Variants in TNRC6B observed in about 807,000 individuals in gnomAD.
TNRC6B encodes the protein trinucleotide repeat containing adaptor 6B, also known as trinucleotide repeat-containing gene 6B protein.
A neutral mutation model predicts 203.6 loss-of-function variants in TNRC6B; 52 were observed. That is an observed-to-expected ratio of 0.26 (90% CI 0.20 to 0.32). TNRC6B has a LOEUF of 0.32. Among genes scored for constraint, TNRC6B ranks in the 10% least tolerant of loss-of-function variants. The pLI is 1.00. For synonymous variants in TNRC6B, 838 were observed against 845.7 expected (o/e 0.99, Z 0.16); for missense variants, 1,923 against 2,286.2 (o/e 0.84, Z 3.24).
chr22:40,251,269 T>C (rs1193647292), intron 3 of TNRC6B, 69 bp downstream of exon 3: 7 of 1,269,260 alleles, frequency 5.5e-6, no homozygotes, highest in South Asian at 1.4e-5. Flanking sequence ...TGTTGCTGAC[T>C]CAGCCTCCAA....
At chr22:40,197,058 G>A (rs746018828) in intron 1 of TNRC6B, among the ~76,000 whole-genome samples, 2 of 152,108 alleles carry the variant, frequency 1.3e-5, no homozygotes, top group Non-Finnish European at 2.9e-5. Context: ...TTCCCAAGCT[G>A]CCTTAAACAC....
chr22:40,318,354 T>C (rs1397865083), intron 21 of TNRC6B, among the ~76,000 whole-genome samples: 1 of 152,130 alleles, frequency 6.6e-6, no homozygotes, highest in African/African-American at 2.4e-5. Flanking sequence ...GAGACCATCC[T>C]GGCTAACATG....
At chr22:40,112,496 C>T (rs948111429) in intron 1 of TNRC6B, among the ~76,000 whole-genome samples, 5 of 152,144 alleles carry the variant, frequency 3.3e-5, no homozygotes, top group African/African-American at 1.2e-4. Context: ...ACAGGAGGAC[C>T]CGACACAGCC....
chr22:40,172,253 G>A (rs1456320138), intron 4 of TNRC6B, among the ~76,000 whole-genome samples: 1 of 152,166 alleles, frequency 6.6e-6, no homozygotes, highest in East Asian at 1.9e-4. Context: ...TATCTAAAGT[G>A]AGCCTCTCTC....
chr22:40,315,346 T>C lies in TNRC6B; in HGVS notation c.4742T>C (p.Leu1581Pro). 6.2e-7 allele frequency: 1 copy of C among 1,613,790 alleles called. No individual in the cohort carries two copies. The highest frequency in any genetic ancestry group is 8.5e-7 in the Non-Finnish European group (1 of 1,179,864). The change falls in exon 20 of 23, where the codon CTC becomes CCC. Residue 1581 changes from leucine (L) to proline (P), a missense_variant. Physicochemically the swap from Leu to Pro is moderately conservative, Grantham distance 98. Transcript: ENST00000454349. The part of the protein sequence containing the change: ...PDPIGHNPTH[L>P]SNKMWKNHIS... The stretch of plus-strand genomic sequence containing the variant: ...CCCATAGGACACAACCCCACTCATC[T>C]CTCCAACAAGATGTGGAAAAACCAT...
chr22:40,280,489 C>CT (rs1401845254), intron 10 of TNRC6B, among the ~76,000 whole-genome samples: 1 of 152,242 alleles, frequency 6.6e-6, no homozygotes, highest in Non-Finnish European at 1.5e-5. Flanking sequence ...TCCATGTCTC[C>CT]TAAGGCCTTG....
chr22:40,063,751 G>T (rs1961319809), intron 1 of TNRC6B, among the ~76,000 whole-genome samples: 1 of 151,184 alleles, frequency 6.6e-6, no homozygotes, highest in African/African-American at 2.4e-5. Flanking sequence ...CACCCAGGCT[G>T]GAGTGCAGTG....
At chr22:40,045,211 G>A (rs1044762402) in intron 1 of TNRC6B, among the ~76,000 whole-genome samples, 2 of 145,274 alleles carry the variant, frequency 1.4e-5, no homozygotes, top group Non-Finnish European at 3.1e-5. Flanking sequence ...CGCGGGGCTG[G>A]TGCGGCCGGC....
At chr22:40,208,002 T>C (rs1252557482) in intron 1 of TNRC6B, among the ~76,000 whole-genome samples, 1 of 151,042 alleles carries the variant, frequency 6.6e-6, no homozygotes, top group Non-Finnish European at 1.5e-5. Flanking sequence ...TAGTCCCAGC[T>C]ACTCGGGAGG....
intron 4 of TNRC6B, among the ~76,000 whole-genome samples, chr22:40,172,407 C>G (rs760520762): frequency 3.9e-5 from 6 of 152,224 alleles, no homozygotes; most frequent in Non-Finnish European, 7.3e-5. Flanking sequence ...AGGGAAAGTA[C>G]TTAGTACATA....
chr22:40,121,471 T>G (rs186012528), intron 2 of TNRC6B, among the ~76,000 whole-genome samples: 2 of 152,346 alleles, frequency 1.3e-5, no homozygotes, highest in Non-Finnish European at 2.9e-5. Flanking sequence ...TTCCCTGAAG[T>G]CTAATCTTTC....
intron 1 of TNRC6B, among the ~76,000 whole-genome samples, chr22:40,204,143 T>C (rs1225620088): frequency 6.6e-6 from 1 of 152,250 alleles, no homozygotes; most frequent in Non-Finnish European, 1.5e-5. Context: ...CACATCTCTT[T>C]AATTTTTAGA....
chr22:40,057,236 G>T (rs904872403), intron 1 of TNRC6B, among the ~76,000 whole-genome samples: 2 of 149,182 alleles, frequency 1.3e-5, no homozygotes, highest in African/African-American at 5.1e-5. Flanking sequence ...CAGTTACATT[G>T]AATTTTTTTC....
At chr22:40,056,246 A>G (rs948097924) in intron 1 of TNRC6B, among the ~76,000 whole-genome samples, 1 of 152,144 alleles carries the variant, frequency 6.6e-6, no homozygotes, top group African/African-American at 2.4e-5. Context: ...AGAGCTTGAT[A>G]TTTTTCAAAT....
At position 40,308,547 on chromosome 22, in the gene TNRC6B, G is replaced by T. The variant is rs1259683699; in HGVS notation, c.4156G>T (p.Gly1386Cys). 6.2e-7 allele frequency: 1 copy of T among 1,613,942 alleles called. No homozygotes were observed. Among genetic ancestry groups the T allele is most frequent in the Non-Finnish European group, 8.5e-7 (1 of 1,179,868 alleles). Residue 1386 changes from glycine (G) to cysteine (C), a missense_variant, in exon 16 of 23, where the codon GGT becomes TGT. Physicochemically the swap from Gly to Cys is radical, Grantham distance 159. This residue lies in a region of TNRC6B where 242 missense variants were observed against 399.5 expected (regional missense o/e 0.61). Coordinates refer to ENST00000454349, the MANE Select transcript of TNRC6B (RefSeq NM_001162501.2). Reference sequence around the variant, plus strand: ...TGGCGGCATGGACTATGGCATGGTTGGTGGGAAGGAGGCTGGAACCGAGTC... The same window carrying T: ...TGGCGGCATGGACTATGGCATGGTTTGTGGGAAGGAGGCTGGAACCGAGTC... Reference protein sequence around the residue: ...SSGGMDYGMVGGKEAGTESRF... With the variant: ...SSGGMDYGMVCGKEAGTESRF...
chr22:40,313,213 C>T lies in TNRC6B; in HGVS notation c.4678+216C>T, dbSNP rs1034305956. On this transcript the variant is annotated intron_variant, in intron 19 of 22. Coordinates refer to ENST00000454349, the MANE Select transcript of TNRC6B (RefSeq NM_001162501.2). ...GCCAGATACAGCTTTGGGATGAGGC[C>T]GGTAGTGACATAACTGCAGGGAGCT... Among the ~76,000 whole-genome samples, 5 of 152,100 alleles carry T rather than the reference C, an allele frequency of 3.3e-5. No individual in the cohort carries two copies. The South Asian group carries it at 1.0e-3, about 32-fold the overall frequency.
At chr22:40,281,525 A>G (rs963606112) in intron 11 of TNRC6B, among the ~76,000 whole-genome samples, 9 of 151,360 alleles carry the variant, frequency 5.9e-5, no homozygotes, top group African/African-American at 2.2e-4. Flanking sequence ...ATTTTTGATC[A>G]TAAGTTCATA....
At chr22:40,315,213 A>G in intron 19 of TNRC6B, 70 bp from the exon 20 acceptor site, 1 of 1,241,634 alleles carries the variant, frequency 8.1e-7, no homozygotes, top group Non-Finnish European at 1.2e-6. Context: ...TGTAGATAAA[A>G]CTCATGTGTA....
At chr22:40,254,537 A>C (rs2070240165) in intron 3 of TNRC6B, among the ~76,000 whole-genome samples, 1 of 152,174 alleles carries the variant, frequency 6.6e-6, no homozygotes, top group Non-Finnish European at 1.5e-5. Context: ...AAACAAAAAA[A>C]GATGTTAGAG....
Sources: allele counts gnomAD v4.1 joint callset (sites outside exome capture counted in the v4.1 genomes callset), GRCh38; gene constraint gnomAD v4.1.1; regional missense constraint gnomAD v4.1.1; transcripts MANE v1.5; gene names NCBI Gene and HGNC (gene_info 2026-07-23, HGNC 2026-07-21).